Variants in PLCG2 observed in about 807,000 individuals in gnomAD.
PLCG2 encodes the protein 1-phosphatidylinositol 4,5-bisphosphate phosphodiesterase gamma-2.
PLCG2 carries 69 observed loss-of-function variants against 175.6 expected under a neutral mutation model. The observed-to-expected ratio is 0.39, with a 90% confidence interval of 0.32 to 0.48. The LOEUF is 0.48. PLCG2 is among the 20% of genes least tolerant of loss of function. PLCG2 has a pLI of 0.91. For synonymous variants in PLCG2, 827 were observed against 624.0 expected (o/e 1.33, Z -4.85); for missense variants, 1,798 against 1,650.9 (o/e 1.09, Z -1.54).
chr16:81,785,711 T>A (rs773629484), intron 1 of PLCG2: 16 of 307,928 alleles, frequency 5.2e-5, no homozygotes, highest in Non-Finnish European at 9.1e-5. Context: ...AAAGCCCACG[T>A]AACGGTTGGG....
chr16:81,774,327 G>T (rs1216345714), upstream of PLCG2, among the ~76,000 whole-genome samples: 1 of 151,882 alleles, frequency 6.6e-6, no homozygotes, highest in Non-Finnish European at 1.5e-5. Context: ...TCCAGCCTGG[G>T]CAGTAAAAAA....
chr16:81,765,254 C>G (rs1380816613), intron 2 of PLCG2, among the ~76,000 whole-genome samples: 1 of 152,172 alleles, frequency 6.6e-6, no homozygotes, highest in Non-Finnish European at 1.5e-5. Flanking sequence ...CATCTGCAAA[C>G]CAGAACACAC....
intron 1 of PLCG2, among the ~76,000 whole-genome samples, chr16:81,754,382 C>T (rs1469443701): frequency 5.7e-4 from 31 of 54,240 alleles, no homozygotes; most frequent in African/African-American, 2.3e-3. Context: ...TCCTCCCCAC[C>T]CCTCCCCACC....
upstream of PLCG2, among the ~76,000 whole-genome samples, chr16:81,775,761 C>T (rs1351887623): frequency 6.6e-6 from 1 of 152,142 alleles, no homozygotes; most frequent in Non-Finnish European, 1.5e-5. Context: ...TTCTTTCTTA[C>T]CTATCCACTT....
intron 2 of PLCG2, among the ~76,000 whole-genome samples, chr16:81,766,280 T>A (rs10445097): frequency 6.6e-6 from 1 of 152,022 alleles, no homozygotes; most frequent in African/African-American, 2.4e-5. Flanking sequence ...AAACACAGCC[T>A]CTCCTAGGGG....
intron 7 of PLCG2, among the ~76,000 whole-genome samples, chr16:81,877,303 A>C (rs902334239): frequency 2.0e-5 from 3 of 152,118 alleles, no homozygotes; most frequent in African/African-American, 7.2e-5. Flanking sequence ...AAATACAAAA[A>C]AAATTAGCTG....
chr16:81,757,689 C>A (rs7184149), intron 2 of PLCG2, among the ~76,000 whole-genome samples: 74,664 of 151,790 alleles, frequency 0.49, 19,791 homozygotes, highest in Non-Finnish European at 0.59. Context: ...CGCAATTCAC[C>A]CATTTAAAGT....
At chr16:81,759,980 G>C (rs954134515) in intron 2 of PLCG2, among the ~76,000 whole-genome samples, 1 of 152,160 alleles carries the variant, frequency 6.6e-6, no homozygotes, top group Admixed American at 6.5e-5. Context: ...CGAAAAATTA[G>C]CCGGGAGTGG....
At chr16:81,763,846 A>C (rs764157417) in intron 2 of PLCG2, among the ~76,000 whole-genome samples, 1 of 151,742 alleles carries the variant, frequency 6.6e-6, no homozygotes, top group Non-Finnish European at 1.5e-5. Flanking sequence ...AGGCACTTGT[A>C]ATCTCAGCTA....
At chr16:81,820,990 C>T (rs1373644583) in intron 2 of PLCG2, among the ~76,000 whole-genome samples, 1 of 150,736 alleles carries the variant, frequency 6.6e-6, no homozygotes, top group Non-Finnish European at 1.5e-5. Flanking sequence ...CTCCTGACGT[C>T]AAATGATCCG....
chr16:81,762,201 T>G (rs367972793), intron 2 of PLCG2, among the ~76,000 whole-genome samples: 1 of 152,218 alleles, frequency 6.6e-6, no homozygotes, highest in Non-Finnish European at 1.5e-5. Flanking sequence ...TAATGCATGT[T>G]AATTTTAATG....
chr16:81,944,669 T>C (rs1597149809), intron 30 of PLCG2, among the ~76,000 whole-genome samples: 1 of 151,966 alleles, frequency 6.6e-6, no homozygotes, highest in Non-Finnish European at 1.5e-5. Flanking sequence ...GAGATGGGGG[T>C]CTTGCTATGT....
intron 7 of PLCG2, among the ~76,000 whole-genome samples, chr16:81,877,750 G>A (rs1411380186): frequency 1.3e-5 from 2 of 152,092 alleles, no homozygotes; most frequent in East Asian, 1.9e-4. Flanking sequence ...AGGCGTCATC[G>A]CTTCTTGGCG....
At chr16:81,812,387 G>A (rs1434196445) in intron 2 of PLCG2, among the ~76,000 whole-genome samples, 1 of 152,126 alleles carries the variant, frequency 6.6e-6, no homozygotes, top group Admixed American at 6.5e-5. Context: ...CATTCTAACT[G>A]GCATGAGATG....
intron 5 of PLCG2, among the ~76,000 whole-genome samples, chr16:81,866,275 G>C (rs1907230255): frequency 1.5e-5 from 2 of 133,690 alleles, no homozygotes; most frequent in Admixed American, 1.5e-4. Context: ...ACCAGCATGA[G>C]AGGATGCTAG....
chr16:81,951,671 T>C (rs1039237349), intron 31 of PLCG2, among the ~76,000 whole-genome samples: 1 of 152,208 alleles, frequency 6.6e-6, no homozygotes, highest in African/African-American at 2.4e-5. Context: ...TGAATATAGA[T>C]GTTAAACTTC....
intron 2 of PLCG2, among the ~76,000 whole-genome samples, chr16:81,788,073 G>T (rs1039353030): frequency 3.9e-5 from 6 of 152,104 alleles, no homozygotes; most frequent in Admixed American, 3.9e-4. Context: ...ATTTGTTTTG[G>T]GTATATACCT....
intron 5 of PLCG2, among the ~76,000 whole-genome samples, chr16:81,865,443 C>G (rs752540948): frequency 3.3e-4 from 51 of 152,274 alleles, no homozygotes; most frequent in African/African-American, 1.0e-3. Context: ...CCCAAAGAAG[C>G]TCTCAGCCTC....
intron 15 of PLCG2, among the ~76,000 whole-genome samples, chr16:81,905,900 T>G (rs1347646832): frequency 6.6e-6 from 1 of 152,184 alleles, no homozygotes; most frequent in Admixed American, 6.6e-5. Flanking sequence ...GCTCAAACAG[T>G]CCTCCCACCT....
Sources: gnomAD v4.1 joint callset for allele counts (sites outside exome capture counted in the v4.1 genomes callset) on GRCh38, gnomAD v4.1.1 for gene constraint, MANE v1.5 for transcripts, NCBI Gene and HGNC (gene_info 2026-07-23, HGNC 2026-07-21) for gene names.